GRIP1: variants seen among roughly 807,000 people sequenced by gnomAD.
GRIP1 encodes glutamate receptor-interacting protein 1.
GRIP1 carries 45 observed loss-of-function variants against 129.9 expected under a neutral mutation model. The ratio of observed to expected loss-of-function variants is 0.35; its 90% CI spans 0.27 to 0.44. GRIP1 has a LOEUF of 0.44. Among genes scored for constraint, GRIP1 ranks in the 20% least tolerant of loss-of-function variants. The pLI, the probability that GRIP1 is intolerant of heterozygous loss-of-function variation, is 1.00. For synonymous variants in GRIP1, 530 were observed against 520.8 expected (o/e 1.02, Z -0.24); for missense variants, 1,196 against 1,396.8 (o/e 0.86, Z 2.29).
intron 1 of GRIP1, among the ~76,000 whole-genome samples, chr12:66,655,909 T>C (rs1389915933): frequency 1.3e-5 from 2 of 152,160 alleles, no homozygotes; most frequent in Non-Finnish European, 2.9e-5. Flanking sequence ...TTCTGTACTT[T>C]TATGCTTTGA....
intron 7 of GRIP1, among the ~76,000 whole-genome samples, chr12:66,481,065 T>G (rs1048060256): frequency 6.6e-6 from 1 of 151,914 alleles, no homozygotes; most frequent in African/African-American, 2.4e-5. Flanking sequence ...ACAAATGGGA[T>G]GCAATGGCAA....
chr12:66,573,176 T>C (rs2063023178), intron 2 of GRIP1, among the ~76,000 whole-genome samples: 1 of 152,140 alleles, frequency 6.6e-6, no homozygotes, highest in Non-Finnish European at 1.5e-5. Context: ...GCTTTGAGGC[T>C]GGGGCTGAAG....
chr12:66,984,220 A>T (rs2042278491), intron 1 of GRIP1, among the ~76,000 whole-genome samples: 1 of 152,190 alleles, frequency 6.6e-6, no homozygotes, highest in African/African-American at 2.4e-5. Flanking sequence ...GCAAAAGCAC[A>T]GAGAAAATAC....
intron 23 of GRIP1, among the ~76,000 whole-genome samples, chr12:66,354,511 A>G (rs1194781746): frequency 6.6e-6 from 1 of 152,194 alleles, no homozygotes; most frequent in East Asian, 1.9e-4. Flanking sequence ...GCCCAGCAGC[A>G]CACTCAGCGC....
chr12:66,679,756 C>T (rs1176058623), upstream of GRIP1, among the ~76,000 whole-genome samples: 3 of 152,154 alleles, frequency 2.0e-5, no homozygotes, highest in Non-Finnish European at 1.5e-5. Flanking sequence ...GCAAACAAGG[C>T]CAAGTATTTC....
chr12:66,357,812 T>C (rs2054564824), intron 23 of GRIP1, among the ~76,000 whole-genome samples: 1 of 152,236 alleles, frequency 6.6e-6, no homozygotes, highest in Admixed American at 6.5e-5. Context: ...ATACTTCGAA[T>C]GGTGGCCCAA....
chr12:66,970,967 G>T (rs1453553106), intron 1 of GRIP1, among the ~76,000 whole-genome samples: 1 of 152,108 alleles, frequency 6.6e-6, no homozygotes, highest in Non-Finnish European at 1.5e-5. Flanking sequence ...CTTTGCCAGA[G>T]CCAGGACAGG....
chr12:66,422,421 A>G (rs141775576), intron 14 of GRIP1, among the ~76,000 whole-genome samples: 21 of 152,338 alleles, frequency 1.4e-4, no homozygotes, highest in East Asian at 1.4e-3. Flanking sequence ...TAGTTACATC[A>G]TATTTCAAAA....
rs567689064 is a variant in GRIP1, at chr12:66,439,359, C to A, written c.1687+5225G>T. On this transcript the variant is annotated intron_variant, in intron 13 of 24. Transcript: ENST00000359742. ...CCTAAACTCTAATACAGCACTTGGG[C>A]CTCAATCTCCTAGACATCAGCTCCC... is the stretch of plus-strand genomic sequence containing the variant. Among the ~76,000 whole-genome samples the A allele has an allele frequency of 4.3e-4, 66 of 152,302 alleles. No homozygotes were observed. The Middle Eastern group carries it at 0.02, about 47-fold the overall frequency.
chr12:67,041,057 T>G (rs2043169691), intron 1 of GRIP1, among the ~76,000 whole-genome samples: 1 of 152,122 alleles, frequency 6.6e-6, no homozygotes, highest in South Asian at 2.1e-4. Flanking sequence ...CTTCAGCTCT[T>G]TCCTGAGTGT....
intron 1 of GRIP1, among the ~76,000 whole-genome samples, chr12:67,060,935 T>C (rs892473473): frequency 1.3e-5 from 2 of 152,026 alleles, no homozygotes; most frequent in Non-Finnish European, 2.9e-5. Flanking sequence ...CTTTTGGATA[T>C]TGGGTTGTCA....
At chr12:67,009,342 C>A (rs1436410035) in intron 1 of GRIP1, among the ~76,000 whole-genome samples, 1 of 152,118 alleles carries the variant, frequency 6.6e-6, no homozygotes, top group Non-Finnish European at 1.5e-5. Flanking sequence ...GAGGAAGATG[C>A]TTATCTTTCG....
At chr12:66,391,921 C>T (rs747966142) in intron 19 of GRIP1, among the ~76,000 whole-genome samples, 2 of 152,056 alleles carry the variant, frequency 1.3e-5, no homozygotes, top group African/African-American at 2.4e-5. Context: ...ATCTCTTATG[C>T]ACCTCTTCCA....
chr12:66,719,896 C>T (rs2036007328), intron 1 of GRIP1, among the ~76,000 whole-genome samples: 2 of 152,172 alleles, frequency 1.3e-5, no homozygotes, highest in Admixed American at 1.3e-4. Flanking sequence ...TCAACGGACA[C>T]AGGCCTACAG....
chr12:66,351,466 C>T (rs1260127559), intron 24 of GRIP1, among the ~76,000 whole-genome samples: 1 of 151,630 alleles, frequency 6.6e-6, no homozygotes, highest in African/African-American at 2.4e-5. Flanking sequence ...TCAAATACCA[C>T]ATAATGGGAA....
At chr12:66,852,775 T>G (rs553483349) in intron 1 of GRIP1, among the ~76,000 whole-genome samples, 1 of 152,088 alleles carries the variant, frequency 6.6e-6, no homozygotes, top group African/African-American at 2.4e-5. Context: ...TAATGGGAAA[T>G]CTGGGCCAAT....
intron 1 of GRIP1, among the ~76,000 whole-genome samples, chr12:67,003,271 G>C (rs2042578321): frequency 6.6e-6 from 1 of 152,106 alleles, no homozygotes. Flanking sequence ...TATTGCTAAA[G>C]GAATGGATAA....
intron 1 of GRIP1, among the ~76,000 whole-genome samples, chr12:66,738,430 C>G (rs547072046): frequency 3.2e-4 from 48 of 151,938 alleles, no homozygotes; most frequent in African/African-American, 1.1e-3. Context: ...ACCATGTTAG[C>G]CAAGATGGTC....
chr12:66,504,396 A>G (rs2060471769), intron 7 of GRIP1, among the ~76,000 whole-genome samples: 1 of 152,222 alleles, frequency 6.6e-6, no homozygotes, highest in Non-Finnish European at 1.5e-5. Flanking sequence ...TTTATCATAT[A>G]GAAAGCCTCT....
Sources: allele counts gnomAD v4.1 joint callset (sites outside exome capture counted in the v4.1 genomes callset), GRCh38; gene constraint gnomAD v4.1.1; transcripts MANE v1.5; gene names NCBI Gene and HGNC (gene_info 2026-07-23, HGNC 2026-07-21).